The following FERRY3 variants were observed in gnomAD, a reference collection of about 807,000 sequenced individuals.
FERRY3 encodes FERRY endosomal RAB5 effector complex subunit 3, also known as protein C12orf4.
the FERRY3 span, among the ~76,000 whole-genome samples, chr12:4,522,751 T>C: frequency 6.6e-6 from 1 of 152,236 alleles, no homozygotes; most frequent in Non-Finnish European, 1.5e-5. Flanking sequence ...AGCTTTATAA[T>C]TGCTAAAATC....
the FERRY3 span, chr12:4,490,633 T>G: frequency 6.8e-7 from 1 of 1,480,778 alleles, no homozygotes; most frequent in Non-Finnish European, 9.3e-7. Flanking sequence ...AGTTCTGGCC[T>G]TCAAACCTAC....
chr12:4,532,581 A>C, the FERRY3 span, among the ~76,000 whole-genome samples: 3 of 152,192 alleles, frequency 2.0e-5, no homozygotes, highest in African/African-American at 7.2e-5. Flanking sequence ...TCCTCACCAG[A>C]AACTCAGTCC....
the FERRY3 span, among the ~76,000 whole-genome samples, chr12:4,510,519 G>C: frequency 6.9e-6 from 1 of 145,272 alleles, no homozygotes; most frequent in Non-Finnish European, 1.5e-5. Flanking sequence ...CCCTCAAAGG[G>C]AAGCCCATCA....
chr12:4,504,166 G>A, the FERRY3 span, among the ~76,000 whole-genome samples: 1 of 152,192 alleles, frequency 6.6e-6, no homozygotes, highest in East Asian at 1.9e-4. Context: ...CCAGCAATGG[G>A]TACAATATTG....
At chr12:4,488,193 G>A in the FERRY3 span, 2 of 152,170 alleles carry the variant, frequency 1.3e-5, no homozygotes, top group Non-Finnish European at 2.9e-5. This position sits in a 1 kb window ranked among gnomAD's most constrained non-coding sequence, Gnocchi z 4.9. Context: ...CTCAGTTAAA[G>A]CCACCAGTTT....
the FERRY3 span, chr12:4,525,147 A>T: frequency 7.3e-7 from 1 of 1,362,210 alleles, no homozygotes; most frequent in Non-Finnish European, 1.0e-6. Context: ...TTGAACTTTC[A>T]CTAGCAAATT....
chr12:4,499,213 C>T, the FERRY3 span, among the ~76,000 whole-genome samples: 555 of 152,250 alleles, frequency 3.6e-3, 5 homozygotes, highest in African/African-American at 0.012. Context: ...ACAGTTTCAC[C>T]ATGTTGCTCA....
chr12:4,502,796 T>C, the FERRY3 span, among the ~76,000 whole-genome samples: 6 of 152,318 alleles, frequency 3.9e-5, no homozygotes, highest in Admixed American at 3.9e-4. This position sits in a 1 kb window ranked among gnomAD's most constrained non-coding sequence, Gnocchi z 4.2. Flanking sequence ...GGTCTTTTTA[T>C]TTTTTATTTT....
At chr12:4,507,772 TACTC>T in the FERRY3 span, among the ~76,000 whole-genome samples, 1 of 152,166 alleles carries the variant, frequency 6.6e-6, no homozygotes, top group African/African-American at 2.4e-5. Flanking sequence ...CAAGATAAAT[TACTC>T]AGTGAAAAAG....
At chr12:4,492,636 G>A in the FERRY3 span, among the ~76,000 whole-genome samples, 4 of 152,040 alleles carry the variant, frequency 2.6e-5, no homozygotes, top group Admixed American at 6.6e-5. Context: ...GGCTGATATA[G>A]CATCAAATTA....
At chr12:4,534,322 C>T in the FERRY3 span, 2 of 1,575,450 alleles carry the variant, frequency 1.3e-6, no homozygotes, top group Non-Finnish European at 1.7e-6. Context: ...GGACATCAAA[C>T]ACCATCGTCA....
chr12:4,518,405 T>C, the FERRY3 span: 2 of 664,704 alleles, frequency 3.0e-6, no homozygotes, highest in Non-Finnish European at 5.0e-6. Flanking sequence ...TTTAATGACT[T>C]TTTCAGTTTA....
the FERRY3 span, among the ~76,000 whole-genome samples, chr12:4,503,588 A>G: frequency 8.5e-5 from 13 of 152,186 alleles, no homozygotes; most frequent in African/African-American, 2.9e-4. Context: ...GTATACTTTA[A>G]ATGGAAATTA....
chr12:4,533,563 G>A, the FERRY3 span, among the ~76,000 whole-genome samples: 1 of 152,080 alleles, frequency 6.6e-6, no homozygotes, highest in African/African-American at 2.4e-5. Flanking sequence ...AGTTTAATTT[G>A]CAGTGCTCTT....
chr12:4,508,127 ATAGCCACATTC>A, the FERRY3 span, among the ~76,000 whole-genome samples: 1 of 152,234 alleles, frequency 6.6e-6, no homozygotes, highest in African/African-American at 2.4e-5. Flanking sequence ...TTATGACTAG[ATAGCCACATTC>A]TAGCTACGGG....
the FERRY3 span, among the ~76,000 whole-genome samples, chr12:4,497,467 G>A: frequency 1.3e-5 from 2 of 152,056 alleles, no homozygotes; most frequent in Admixed American, 6.6e-5. Context: ...GTTGAGCTGC[G>A]TACCTATGTG....
At chr12:4,509,600 G>A in the FERRY3 span, among the ~76,000 whole-genome samples, 13 of 145,074 alleles carry the variant, frequency 9.0e-5, no homozygotes, top group African/African-American at 2.5e-4. Context: ...CCTGACCCCC[G>A]AGCAGCCTAA....
At chr12:4,516,033 T>A in the FERRY3 span, among the ~76,000 whole-genome samples, 1 of 152,186 alleles carries the variant, frequency 6.6e-6, no homozygotes, top group Non-Finnish European at 1.5e-5. Flanking sequence ...AAAGCAGTCA[T>A]TCAAGGATAC....
the FERRY3 span, among the ~76,000 whole-genome samples, chr12:4,538,198 G>A: frequency 6.6e-6 from 1 of 152,166 alleles, no homozygotes; most frequent in African/African-American, 2.4e-5. Context: ...TTTAGCAACC[G>A]TGAAATCCAG....
Sources: gnomAD v4.1 joint callset for allele counts (sites outside exome capture counted in the v4.1 genomes callset) on GRCh38, gnomAD v4.1.1 for gene constraint, Gnocchi (gnomAD v3.1) non-coding constraint, MANE v1.5 for transcripts, NCBI Gene and HGNC (gene_info 2026-07-23, HGNC 2026-07-21) for gene names.